Variants in NRCAM observed in about 807,000 individuals in gnomAD.
The protein encoded by NRCAM is NgCAM-related cell adhesion molecule.
Under a neutral mutation model 156.5 loss-of-function variants are expected in NRCAM, and 83 were observed. That is an observed-to-expected ratio of 0.53 (90% CI 0.44 to 0.64). The LOEUF is 0.64. NRCAM is among the 30% of genes least tolerant of loss of function. The probability of loss-of-function intolerance (pLI) is 0.00; values close to 1 mark genes in which losing one functional copy is unlikely to be tolerated. For synonymous variants in NRCAM, 538 were observed against 563.9 expected, an observed-to-expected ratio of 0.95 and a Z score of 0.65; for missense variants, 1,417 against 1,597.3, an observed-to-expected ratio of 0.89 and a Z score of 1.92.
chr7:108,215,144 T>C (rs1295090008), intron 11 of NRCAM, among the ~76,000 whole-genome samples: 1 of 152,102 alleles, frequency 6.6e-6, no homozygotes, highest in Non-Finnish European at 1.5e-5. Flanking sequence ...AAGTCCTAAA[T>C]ATCCCTGTTA....
chr7:108,454,698 G>A (rs1854444746), intron 1 of NRCAM, among the ~76,000 whole-genome samples: 1 of 152,184 alleles, frequency 6.6e-6, no homozygotes, highest in African/African-American at 2.4e-5. Context: ...TGTATTCAGA[G>A]GTTACTGTGT....
At chr7:108,206,418 GGCTATCT>G (rs1300948320) in intron 13 of NRCAM, among the ~76,000 whole-genome samples, 1 of 152,140 alleles carries the variant, frequency 6.6e-6, no homozygotes, top group Non-Finnish European at 1.5e-5. Flanking sequence ...TAAGCCTGAG[GGCTATCT>G]TTATTGTGAG....
chr7:108,332,913 G>C (rs1009580149), intron 2 of NRCAM, among the ~76,000 whole-genome samples: 1 of 152,068 alleles, frequency 6.6e-6, no homozygotes, highest in Admixed American at 6.6e-5. Flanking sequence ...GATGTAACAA[G>C]AGATAGAAAT....
chr7:108,385,502 G>A (rs1244263412), intron 2 of NRCAM, among the ~76,000 whole-genome samples: 1 of 152,188 alleles, frequency 6.6e-6, no homozygotes, highest in Admixed American at 6.5e-5. Flanking sequence ...TTAGAAGAAA[G>A]GCAAGGCTGA....
intron 3 of NRCAM, among the ~76,000 whole-genome samples, chr7:108,285,145 G>A (rs1433244246): frequency 6.6e-6 from 1 of 152,170 alleles, no homozygotes; most frequent in Non-Finnish European, 1.5e-5. Context: ...CCACCCAATG[G>A]CTTTATTCCT....
intron 3 of NRCAM, among the ~76,000 whole-genome samples, chr7:108,280,838 T>TA (rs11416045): frequency 0.89 from 134,945 of 151,884 alleles, 60,068 homozygotes; most frequent in East Asian, 0.92. Context: ...TAATATCAAG[T>TA]AAAAAAAATG....
chr7:108,300,925 A>C (rs1460229121), intron 3 of NRCAM, among the ~76,000 whole-genome samples: 1 of 152,132 alleles, frequency 6.6e-6, no homozygotes, highest in Admixed American at 6.5e-5. Context: ...TTTACGTTTT[A>C]TTCAGGAAAT....
At chr7:108,392,306 C>A (rs1000952143) in intron 2 of NRCAM, among the ~76,000 whole-genome samples, 2 of 152,174 alleles carry the variant, frequency 1.3e-5, no homozygotes, top group African/African-American at 4.8e-5. Flanking sequence ...TCTCTTCTCA[C>A]TTCATTTCAT....
chr7:108,338,677 C>A (rs1252889066), intron 2 of NRCAM, among the ~76,000 whole-genome samples: 2 of 150,336 alleles, frequency 1.3e-5, no homozygotes, highest in South Asian at 2.1e-4. Flanking sequence ...AAGAGGGAGT[C>A]AAAGAGAGAA....
intron 2 of NRCAM, among the ~76,000 whole-genome samples, chr7:108,319,500 T>C (rs908574338): frequency 5.9e-5 from 9 of 152,200 alleles, no homozygotes; most frequent in Non-Finnish European, 1.0e-4. Context: ...ACAATGGTTA[T>C]AAAGAAGTGA....
chr7:108,269,489 A>T (rs1228702254), intron 3 of NRCAM, among the ~76,000 whole-genome samples: 3 of 152,110 alleles, frequency 2.0e-5, no homozygotes, highest in African/African-American at 7.2e-5. Context: ...GTCACCTTTC[A>T]TCCAAGTCAC....
chr7:108,300,995 A>C (rs980852308), intron 3 of NRCAM, among the ~76,000 whole-genome samples: 1 of 152,220 alleles, frequency 6.6e-6, no homozygotes, highest in African/African-American at 2.4e-5. Flanking sequence ...AAAATAAAAC[A>C]GCAAACTACA....
Position 108,167,047 on chromosome 7 carries a change from C to T in NRCAM, c.3340G>A (p.Val1114Ile). The change falls in exon 30 of 33, where the codon GTA (valine) becomes ATA (isoleucine). Residue 1114 changes from valine to isoleucine, a missense_variant. Val to Ile is a conservative substitution (Grantham distance 29). This residue lies in a region of NRCAM where 179 missense variants were observed against 260.9 expected (regional missense o/e 0.69). Transcript: ENST00000379028. Reference protein sequence around the residue: ...GSKEEWRKEIVNGSRSFFGLK... With the variant: ...GSKEEWRKEIINGSRSFFGLK... ...CCAAAGAAGCTCCGAGAACCATTTA[C>T]AATTTCTTTTCTCCATTCTTCTTTG... The T allele has an allele frequency of 6.2e-7, 1 of 1,613,750 alleles. No individual in the cohort carries two copies.
intron 2 of NRCAM, among the ~76,000 whole-genome samples, chr7:108,351,207 CCCTTCTG>C (rs2099410172): frequency 6.6e-6 from 1 of 152,146 alleles, no homozygotes; most frequent in Non-Finnish European, 1.5e-5. Context: ...CTCTCTCTTG[CCCTTCTG>C]CCTTCTGCCA....
At chr7:108,203,519 T>C (rs914168410) in intron 13 of NRCAM, among the ~76,000 whole-genome samples, 4 of 152,030 alleles carry the variant, frequency 2.6e-5, no homozygotes, top group African/African-American at 9.7e-5. Flanking sequence ...TGCATTTTGC[T>C]AAAAGAACCC....
intron 2 of NRCAM, among the ~76,000 whole-genome samples, chr7:108,360,621 C>G (rs1266769622): frequency 6.6e-6 from 1 of 152,184 alleles, no homozygotes; most frequent in African/African-American, 2.4e-5. Flanking sequence ...GCAGTCAGGA[C>G]AGTGGACACT....
chr7:108,272,989 C>T (rs1002105290), intron 3 of NRCAM, among the ~76,000 whole-genome samples: 1 of 152,074 alleles, frequency 6.6e-6, no homozygotes, highest in Non-Finnish European at 1.5e-5. Flanking sequence ...TGAGTGAGAA[C>T]ATGTGGTGTT....
At chr7:108,302,535 G>A (rs2098643047) in intron 3 of NRCAM, among the ~76,000 whole-genome samples, 1 of 152,162 alleles carries the variant, frequency 6.6e-6, no homozygotes. Context: ...AAATAAGATT[G>A]TATTCACAGA....
At chr7:108,253,040 C>A (rs1344660831) in intron 3 of NRCAM, among the ~76,000 whole-genome samples, 1 of 152,230 alleles carries the variant, frequency 6.6e-6, no homozygotes, top group Non-Finnish European at 1.5e-5. Flanking sequence ...GAAGAGTTGT[C>A]ATTTTTACTT....
Sources: gnomAD v4.1 joint callset for allele counts (sites outside exome capture counted in the v4.1 genomes callset) on GRCh38, gnomAD v4.1.1 for gene constraint, gnomAD v4.1.1 regional missense constraint, MANE v1.5 for transcripts, NCBI Gene and HGNC (gene_info 2026-07-23, HGNC 2026-07-21) for gene names.